The following EYS variants were observed in gnomAD, a reference collection of about 807,000 sequenced individuals.
The protein encoded by EYS is EGF-like photoreceptor maintenance factor.
In EYS, 250 loss-of-function variants were observed where a neutral mutation model predicts 282.1. The observed-to-expected ratio is 0.89, with a 90% CI of 0.80 to 0.98. EYS has a LOEUF of 0.98. Ranked by LOEUF, EYS falls within the 50% of genes least tolerant of loss-of-function variation. The probability of loss-of-function intolerance (pLI) is 0.00; values close to 1 mark genes in which losing one functional copy is unlikely to be tolerated. For missense variants in EYS, 4,016 were observed against 3,709.0 expected (o/e 1.08, Z -2.15); for synonymous variants, 1,355 against 1,282.9 (o/e 1.06, Z -1.20).
chr6:65,175,090 T>C (rs1388585950), intron 12 of EYS, among the ~76,000 whole-genome samples: 1 of 151,286 alleles, frequency 6.6e-6, no homozygotes, highest in South Asian at 2.1e-4. Flanking sequence ...TTTTATTTTT[T>C]GAAACAGTAC....
chr6:65,171,680 A>C (rs909869536), intron 12 of EYS, among the ~76,000 whole-genome samples: 1 of 151,426 alleles, frequency 6.6e-6, no homozygotes, highest in African/African-American at 2.4e-5. Flanking sequence ...CCAAGCAAAC[A>C]CTGCTCACAG....
intron 11 of EYS, among the ~76,000 whole-genome samples, chr6:65,301,457 C>A (rs1768823103): frequency 6.6e-6 from 1 of 152,212 alleles, no homozygotes. Context: ...TGTAGCCGGG[C>A]GCCATCTTTG....
At chr6:65,244,712 C>T (rs943429749) in intron 12 of EYS, among the ~76,000 whole-genome samples, 42 of 149,488 alleles carry the variant, frequency 2.8e-4, no homozygotes, top group Non-Finnish European at 4.9e-4. Flanking sequence ...TTAGTAGAGA[C>T]GGGGTTTCAC....
chr6:64,634,262 G>A (rs534220337), intron 22 of EYS, among the ~76,000 whole-genome samples: 15 of 152,278 alleles, frequency 9.9e-5, no homozygotes, highest in South Asian at 2.1e-4. Flanking sequence ...GATTACAGGC[G>A]TGAGCCACCA....
intron 13 of EYS, among the ~76,000 whole-genome samples, chr6:65,052,848 A>G (rs1430691910): frequency 2.0e-5 from 3 of 151,760 alleles, no homozygotes; most frequent in African/African-American, 7.2e-5. Flanking sequence ...AATCAAAGCC[A>G]ACCACTTACG....
chr6:64,614,989 T>C (rs1562093145), intron 24 of EYS, among the ~76,000 whole-genome samples: 1 of 152,080 alleles, frequency 6.6e-6, no homozygotes, highest in East Asian at 1.9e-4. Context: ...GTTTCAGAGT[T>C]GACAGAGAAA....
intron 12 of EYS, among the ~76,000 whole-genome samples, chr6:65,219,089 A>G (rs1381931088): frequency 6.6e-6 from 1 of 152,188 alleles, no homozygotes; most frequent in Non-Finnish European, 1.5e-5. Context: ...CAAATTTTGC[A>G]TGATTTGAAG....
chr6:64,510,780 C>T (rs1311077258), intron 26 of EYS, among the ~76,000 whole-genome samples: 1 of 152,204 alleles, frequency 6.6e-6, no homozygotes, highest in East Asian at 1.9e-4. Context: ...AGAATCTGTG[C>T]ATCTCTCACA....
chr6:64,610,131 C>T lies in EYS; in HGVS notation c.3684+7287G>A, dbSNP rs547081692. Among the ~76,000 whole-genome samples, 5 of 152,196 alleles carry T rather than the reference C, an allele frequency of 3.3e-5. No individual in the cohort carries two copies. The South Asian group carries it at 1.0e-3, about 32-fold the overall frequency. ...TATAGCCAAGCTTTTAATTCATCCA[C>T]ATGTTCATGCTGTAAGTGAAGAAAC... On this transcript the variant is annotated intron_variant, in intron 24 of 42. Coordinates refer to ENST00000503581, the MANE Select transcript of EYS (RefSeq NM_001142800.2).
At chr6:64,530,999 A>G (rs931005000) in intron 26 of EYS, among the ~76,000 whole-genome samples, 3 of 152,122 alleles carry the variant, frequency 2.0e-5, no homozygotes, top group Non-Finnish European at 4.4e-5. Context: ...TGCCGGTAAA[A>G]TTGGAGAGAT....
At chr6:65,221,601 T>G (rs1236332139) in intron 12 of EYS, among the ~76,000 whole-genome samples, 1 of 152,194 alleles carries the variant, frequency 6.6e-6, no homozygotes, top group African/African-American at 2.4e-5. Context: ...AGGGCCCTCA[T>G]GGAGAACCTC....
At chr6:65,684,457 T>C (rs1768938165) in intron 1 of EYS, among the ~76,000 whole-genome samples, 1 of 152,020 alleles carries the variant, frequency 6.6e-6, no homozygotes, top group Non-Finnish European at 1.5e-5. Context: ...GCCAGCACCT[T>C]CTTTCTCAAA....
At chr6:64,615,224 T>A (rs935092386) in intron 24 of EYS, among the ~76,000 whole-genome samples, 1 of 152,100 alleles carries the variant, frequency 6.6e-6, no homozygotes, top group African/African-American at 2.4e-5. Context: ...TTCTTAAGAC[T>A]CTCTCAAGTT....
intron 22 of EYS, among the ~76,000 whole-genome samples, chr6:64,692,662 T>C (rs1770430428): frequency 6.6e-6 from 1 of 152,180 alleles, no homozygotes; most frequent in African/African-American, 2.4e-5. Flanking sequence ...GAGGTAATTT[T>C]TGAATATGCT....
intron 2 of EYS, among the ~76,000 whole-genome samples, chr6:65,549,014 G>A (rs151132398): frequency 1.3e-5 from 2 of 152,210 alleles, no homozygotes; most frequent in Admixed American, 6.5e-5. Context: ...TCCCTCACAT[G>A]CGCAGTTCAA....
chr6:65,462,379 T>C (rs1040830198), intron 5 of EYS, among the ~76,000 whole-genome samples: 3 of 152,042 alleles, frequency 2.0e-5, no homozygotes, highest in African/African-American at 7.2e-5. Flanking sequence ...TGTATCCTAA[T>C]TATAACGGTG....
At chr6:64,682,483 G>A (rs945289540) in intron 22 of EYS, among the ~76,000 whole-genome samples, 1 of 152,100 alleles carries the variant, frequency 6.6e-6, no homozygotes, top group Admixed American at 6.5e-5. Context: ...TTGGATGCAG[G>A]CACCAGGGAG....
intron 14 of EYS, among the ~76,000 whole-genome samples, chr6:64,989,394 A>AATATATATATATATATAT (rs60684321): frequency 0.031 from 2,178 of 69,664 alleles, 476 homozygotes; most frequent in African/African-American, 0.093. Flanking sequence ...GGCTAGCTGT[A>AATATATATATATATATAT]ATATATATAT....
intron 29 of EYS, among the ~76,000 whole-genome samples, chr6:64,362,979 C>A (rs186185488): frequency 7.5e-6 from 1 of 133,460 alleles, no homozygotes; most frequent in Admixed American, 8.2e-5. Flanking sequence ...TTTTCTGTTT[C>A]ATTTTCTTTC....
Sources: allele counts gnomAD v4.1 joint callset (sites outside exome capture counted in the v4.1 genomes callset), GRCh38; gene constraint gnomAD v4.1.1; transcripts MANE v1.5; gene names NCBI Gene and HGNC (gene_info 2026-07-23, HGNC 2026-07-21).